The following CSMD1 variants were observed in gnomAD, a reference collection of about 807,000 sequenced individuals.
The protein encoded by CSMD1 is CUB and sushi domain-containing protein 1.
Under a neutral mutation model 417.5 loss-of-function variants are expected in CSMD1, and 213 were observed. That is an observed-to-expected ratio of 0.51 (90% CI 0.46 to 0.57). CSMD1 has a LOEUF of 0.57. Among genes scored for constraint, CSMD1 ranks in the 20% least tolerant of loss-of-function variants. The pLI is 0.00. For synonymous variants in CSMD1, 2,862 were observed against 1,736.8 expected (o/e 1.65, Z -16.11); for missense variants, 6,923 against 4,529.7 (o/e 1.53, Z -15.17).
chr8:4,091,043 C>G (rs371433115), intron 3 of CSMD1, among the ~76,000 whole-genome samples: 4 of 151,762 alleles, frequency 2.6e-5, no homozygotes, highest in African/African-American at 9.7e-5. Context: ...CTCAGCCTCA[C>G]AAGTATCTGG....
intron 4 of CSMD1, among the ~76,000 whole-genome samples, chr8:4,013,711 A>G (rs73503236): frequency 0.014 from 2,160 of 152,328 alleles, 48 homozygotes; most frequent in African/African-American, 0.049. Flanking sequence ...TAGCCCCAGC[A>G]GCTACAACAA....
At chr8:3,568,717 C>G (rs1563162139) in intron 10 of CSMD1, among the ~76,000 whole-genome samples, 1 of 151,946 alleles carries the variant, frequency 6.6e-6, no homozygotes, top group Non-Finnish European at 1.5e-5. Context: ...GTGTGTTTAT[C>G]TATGCATATA....
intron 10 of CSMD1, among the ~76,000 whole-genome samples, chr8:3,570,961 A>G (rs1799917890): frequency 6.6e-6 from 1 of 152,248 alleles, no homozygotes; most frequent in African/African-American, 2.4e-5. Flanking sequence ...AATGTGCTAT[A>G]GGCACATCTT....
intron 3 of CSMD1, among the ~76,000 whole-genome samples, chr8:4,381,208 C>G (rs190697147): frequency 6.6e-6 from 1 of 152,038 alleles, no homozygotes; most frequent in African/African-American, 2.4e-5. Context: ...ATTTGCTGCA[C>G]GGATTTAAAA....
chr8:3,349,682 A>G (rs1348885379), intron 21 of CSMD1, among the ~76,000 whole-genome samples: 1 of 149,488 alleles, frequency 6.7e-6, no homozygotes, highest in Non-Finnish European at 1.5e-5. Flanking sequence ...AATCATTTTA[A>G]AAGAGAAATT....
At chr8:4,320,271 A>T (rs1410850303) in intron 3 of CSMD1, among the ~76,000 whole-genome samples, 1 of 152,236 alleles carries the variant, frequency 6.6e-6, no homozygotes, top group Non-Finnish European at 1.5e-5. Context: ...CACAACAAGT[A>T]GGAAAATAAA....
At chr8:3,995,846 G>GACATGAAGGC (rs1563297908) in intron 5 of CSMD1, among the ~76,000 whole-genome samples, 2 of 152,162 alleles carry the variant, frequency 1.3e-5, no homozygotes, top group Non-Finnish European at 2.9e-5. Context: ...GAGTTTATTA[G>GACATGAAGGC]ACATGAAGGC....
chr8:4,213,692 G>T (rs10099864), intron 3 of CSMD1, among the ~76,000 whole-genome samples: 1 of 152,152 alleles, frequency 6.6e-6, no homozygotes, highest in Non-Finnish European at 1.5e-5. Flanking sequence ...GCCCTCCCTG[G>T]TGGGAAGCCG....
chr8:4,653,883 G>A (rs1041258455), intron 1 of CSMD1, among the ~76,000 whole-genome samples: 1 of 152,050 alleles, frequency 6.6e-6, no homozygotes, highest in Non-Finnish European at 1.5e-5. Context: ...CGTTATTCAT[G>A]CAAAATATCT....
chr8:3,594,678 C>G (rs964733479), intron 8 of CSMD1, among the ~76,000 whole-genome samples: 1 of 152,174 alleles, frequency 6.6e-6, no homozygotes, highest in Non-Finnish European at 1.5e-5. Flanking sequence ...ACTTCTGAGG[C>G]ATATAACTTA....
intron 2 of CSMD1, among the ~76,000 whole-genome samples, chr8:4,496,145 G>A (rs144221497): frequency 3.3e-4 from 51 of 152,254 alleles, no homozygotes; most frequent in Middle Eastern, 3.4e-3. Flanking sequence ...TTGTCGACTC[G>A]CAATTCCTTT....
intron 2 of CSMD1, among the ~76,000 whole-genome samples, chr8:4,545,017 G>C (rs546712785): frequency 2.6e-5 from 4 of 152,106 alleles, no homozygotes; most frequent in Non-Finnish European, 5.9e-5. Flanking sequence ...TATCACGCAC[G>C]TATCTGAATG....
intron 5 of CSMD1, among the ~76,000 whole-genome samples, chr8:3,966,734 C>CAA (rs1812699230): frequency 1.0e-5 from 1 of 95,834 alleles, no homozygotes; most frequent in African/African-American, 4.7e-5. Context: ...CACACACAGA[C>CAA]ACACACACAC....
chr8:3,946,350 A>C (rs930130383), intron 5 of CSMD1, among the ~76,000 whole-genome samples: 7 of 152,214 alleles, frequency 4.6e-5, no homozygotes, highest in Admixed American at 2.6e-4. Context: ...CAAAAAAATC[A>C]TTTTATCACG....
At chr8:4,988,658 C>T (rs1345197550) in intron 1 of CSMD1, among the ~76,000 whole-genome samples, 1 of 152,114 alleles carries the variant, frequency 6.6e-6, no homozygotes, top group Non-Finnish European at 1.5e-5. Context: ...CTTCATAGAA[C>T]AAAGATATTT....
At position 3,890,679 on chromosome 8, in the gene CSMD1, CAAATGAGTCCTGCCCCAG is replaced by C. The variant is rs535922832; in HGVS notation, c.818+107206_818+107223del. Among the ~76,000 whole-genome samples, 270 of 152,208 alleles carry C rather than the reference CAAATGAGTCCTGCCCCAG, an allele frequency of 1.8e-3. 2 individuals carry two copies. Among genetic ancestry groups the C allele is most frequent in the Non-Finnish European group, 1.6e-3 (111 of 68,018 alleles). ...CCAAATTTAATAAAACCGATTACTCCAAATGAGTCCTGCCCCAGAAAACATTTAAAGGAAGATATTGGG... is the reference window on the plus strand; with the variant it reads ...CCAAATTTAATAAAACCGATTACTCCAAAACATTTAAAGGAAGATATTGGG... On this transcript the variant is annotated intron_variant, in intron 5 of 69. Coordinates refer to ENST00000635120, the MANE Select transcript of CSMD1 (RefSeq NM_033225.6).
Position 4,486,736 on chromosome 8 carries a change from T to C in CSMD1, c.303-66671A>G, listed in dbSNP as rs558724120. Among the ~76,000 whole-genome samples the C allele has an allele frequency of 3.3e-3, 499 of 152,242 alleles. 1 individual carries two copies. The highest frequency in any genetic ancestry group is 5.7e-3 in the Non-Finnish European group (390 of 68,002). ...AATGTACAAAGAGGGTTCCCCTTCA[T>C]GGAAGAAAGCCACTGCCTGATACGA... is the stretch of plus-strand genomic sequence containing the variant. On this transcript the variant is annotated intron_variant, in intron 2 of 69. Coordinates refer to ENST00000635120, the MANE Select transcript of CSMD1 (RefSeq NM_033225.6).
At chr8:3,595,504 A>T (rs1343986662) in intron 8 of CSMD1, among the ~76,000 whole-genome samples, 1 of 152,174 alleles carries the variant, frequency 6.6e-6, no homozygotes, top group Non-Finnish European at 1.5e-5. Flanking sequence ...TAGCCTGAGG[A>T]AAGAAAGGAA....
At chr8:3,440,230 T>C (rs892151086) in intron 12 of CSMD1, among the ~76,000 whole-genome samples, 1 of 116,474 alleles carries the variant, frequency 8.6e-6, no homozygotes, top group African/African-American at 3.5e-5. Flanking sequence ...TTAAACTGTA[T>C]ATCAATTTGG....
Sources: gnomAD v4.1 joint callset for allele counts (sites outside exome capture counted in the v4.1 genomes callset) on GRCh38, gnomAD v4.1.1 for gene constraint, MANE v1.5 for transcripts, NCBI Gene and HGNC (gene_info 2026-07-23, HGNC 2026-07-21) for gene names.